The following LIPT1 variants were observed in gnomAD, a reference collection of about 807,000 sequenced individuals.
LIPT1 encodes lipoyltransferase 1, also known as lipoyl amidotransferase LIPT1, mitochondrial.
LIPT1 carries 22 observed loss-of-function variants against 25.1 expected under a neutral mutation model. The ratio of observed to expected loss-of-function variants is 0.88; its 90% CI spans 0.63 to 1.25. The LOEUF (loss-of-function observed/expected upper bound fraction) is 1.25. Among genes scored for constraint, LIPT1 ranks in the 50% most tolerant of loss-of-function variants. LIPT1 has a pLI of 0.00. For synonymous variants in LIPT1, 131 were observed against 150.8 expected (o/e 0.87, Z 0.96); for missense variants, 399 against 432.8 (o/e 0.92, Z 0.69).
intron 1 of LIPT1, among the ~76,000 whole-genome samples, chr2:99,155,994 A>C (rs891257743): frequency 6.6e-6 from 1 of 152,230 alleles, no homozygotes; most frequent in Non-Finnish European, 1.5e-5. Flanking sequence ...TAGATGGTCT[A>C]TAGTTCTCTT....
chr2:99,160,614 C>T (rs148177546), intron 1 of LIPT1, among the ~76,000 whole-genome samples: 1,630 of 152,256 alleles, frequency 0.011, 9 homozygotes, highest in Middle Eastern at 0.027. Context: ...CCTAATATTT[C>T]ATTAGCAATG....
chr2:99,161,088 A>C (rs2105194057), intron 1 of LIPT1, among the ~76,000 whole-genome samples: 1 of 151,060 alleles, frequency 6.6e-6, no homozygotes, highest in South Asian at 2.1e-4. Flanking sequence ...AACATGGTGA[A>C]ACCCCATGCC....
In LIPT1 at chr2:99,160,196, C is replaced by T. The variant is rs372688273; in HGVS notation, c.-1-1761C>T. 5.3e-5 allele frequency among the ~76,000 whole-genome samples: 8 copies of T among 152,230 alleles called. No homozygotes were observed. In the East Asian group the frequency reaches 1.2e-3, roughly 22 times the overall value. Reference sequence around the variant, plus strand: ...CTGAGGCAGGAGGATCACTGAAGCCCAGGAGTTCAAGATCAACCTAGGCAA... The same window carrying T: ...CTGAGGCAGGAGGATCACTGAAGCCTAGGAGTTCAAGATCAACCTAGGCAA... On this transcript the variant is annotated intron_variant, in intron 1 of 1. Coordinates refer to ENST00000651691, the MANE Select transcript of LIPT1 (RefSeq NM_145199.3).
chr2:99,155,337 A>G, intron 1 of LIPT1: 2 of 372,274 alleles, frequency 5.4e-6, no homozygotes, highest in South Asian at 4.0e-5. Flanking sequence ...AGGGCGAAGT[A>G]AAACATGCAC....
chr2:99,162,626 C>T lies in LIPT1; in HGVS notation c.669C>T (p.Thr223=). 1 of 1,614,064 alleles carries T rather than the reference C, an allele frequency of 6.2e-7. No individual in the cohort carries two copies. Among genetic ancestry groups the T allele is most frequent in the Non-Finnish European group, 8.5e-7 (1 of 1,179,950 alleles). ...TTTTGGAAAAGGATCCCACTCTGAC[C>T]TGTGAAGTACTAATGAATGCTGTTG... ...KNLLEKDPTL[T]CEVLMNAVAT... is the part of the protein sequence containing the mutation. Residue 223 remains threonine (T), a synonymous_variant, in exon 2 of 2, where the codon ACC becomes ACT. Transcript: ENST00000651691.
chr2:99,155,369 G>C, intron 1 of LIPT1: 1 of 400,568 alleles, frequency 2.5e-6, no homozygotes, highest in Non-Finnish European at 5.0e-6. Flanking sequence ...GAGATTCTGA[G>C]TAAGTTGTAT....
At chr2:99,161,261 A>T (rs2093784810) in intron 1 of LIPT1, among the ~76,000 whole-genome samples, 1 of 15,240 alleles carries the variant, frequency 6.6e-5, no homozygotes, top group African/African-American at 2.4e-4. Context: ...CAAAAAAAAA[A>T]AAAAAAAAAA....
At chr2:99,155,533 A>G (rs1376914964) in intron 1 of LIPT1, 1 of 455,062 alleles carries the variant, frequency 2.2e-6, no homozygotes, top group Non-Finnish European at 4.4e-6. Flanking sequence ...AAGTGTCCCA[A>G]GAACATGGAA....
chr2:99,155,836 G>C (rs147640084), intron 1 of LIPT1, among the ~76,000 whole-genome samples: 18 of 152,210 alleles, frequency 1.2e-4, no homozygotes, highest in African/African-American at 4.3e-4. Context: ...CTGAGTTAAG[G>C]AAGTGTCTTC....
chr2:99,162,830 G>A lies in LIPT1; in HGVS notation c.873G>A (p.Gln291=), dbSNP rs776085015. 34 of 1,613,792 alleles carry A rather than the reference G, an allele frequency of 2.1e-5. No homozygotes were observed. In the East Asian group the frequency reaches 7.1e-4, roughly 34 times the overall value. ...CTTCCTTTCATGTGTTATATGAACA[G>A]TCACACTTGGAAATTAAAGTATTCA... is the stretch of plus-strand genomic sequence containing the variant. The part of the protein sequence containing the change: ...INTSFHVLYE[Q]SHLEIKVFID... The change falls in exon 2 of 2, where the codon CAG becomes CAA. Residue 291 remains glutamine (Q), a synonymous_variant. Transcript: ENST00000651691.
chr2:99,155,313 C>T, intron 1 of LIPT1: 1 of 371,022 alleles, frequency 2.7e-6, no homozygotes. Flanking sequence ...TGTGCACGCC[C>T]CCTGGGAGCC....
intron 1 of LIPT1, among the ~76,000 whole-genome samples, chr2:99,158,372 CTGCTTGAGCCCAGG>C (rs2093766673): frequency 7.2e-6 from 1 of 139,858 alleles, no homozygotes; most frequent in Admixed American, 7.9e-5. Context: ...GGCAGGAGGA[CTGCTTGAGCCCAGG>C]AGTTTGAGAC....
chr2:99,158,738 T>C (rs1042908977), intron 1 of LIPT1, among the ~76,000 whole-genome samples: 4 of 152,232 alleles, frequency 2.6e-5, no homozygotes, highest in Non-Finnish European at 4.4e-5. Context: ...AATTCTTTTC[T>C]TTATCCCTTT....
intron 1 of LIPT1, 77 bp from the exon 2 acceptor site, chr2:99,161,880 A>AACT: frequency 7.7e-7 from 1 of 1,307,178 alleles, no homozygotes; most frequent in Non-Finnish European, 1.0e-6. Flanking sequence ...TAAATAACCG[A>AACT]TAATTGATAG....
intron 1 of LIPT1, chr2:99,161,348 T>C (rs866093949): frequency 8.9e-6 from 1 of 112,696 alleles, no homozygotes. Context: ...AGATTGAATG[T>C]CGAATGAAAT....
At chr2:99,159,890 T>C (rs946443174) in intron 1 of LIPT1, among the ~76,000 whole-genome samples, 27 of 152,232 alleles carry the variant, frequency 1.8e-4, no homozygotes, top group African/African-American at 5.8e-4. Context: ...TAGATGACTC[T>C]TTGTCTTTGC....
chr2:99,159,445 TAGC>T, intron 1 of LIPT1, among the ~76,000 whole-genome samples: 1 of 152,308 alleles, frequency 6.6e-6, no homozygotes, highest in Middle Eastern at 3.4e-3. Context: ...TCATTATCTC[TAGC>T]ATGGACAACT....
Position 99,155,010 on chromosome 2 carries a change from C to G in LIPT1, c.-43C>G, listed in dbSNP as rs2093734916. On this transcript the variant is annotated 5_prime_UTR_variant, in exon 1 of 2. Coordinates refer to ENST00000651691, the MANE Select transcript of LIPT1 (RefSeq NM_145199.3). ...GGGGTCGTATGACGCACTTTTCCAG[C>G]TCGAGCCCTCACGAGGCCGTGGGTA... The G allele has an allele frequency of 2.2e-6, 1 of 456,028 alleles. No individual in the cohort carries two copies. The highest frequency in any genetic ancestry group is 4.4e-6 in the Non-Finnish European group (1 of 226,784). The allele number at this position is 456,028 out of a possible 1,614,324, so 28.2% of individuals were successfully genotyped here. A position where few individuals can be genotyped will look rare whatever the true frequency, so the allele number is the denominator to read the frequency against.
chr2:99,157,694 T>A (rs1420300579), intron 1 of LIPT1, among the ~76,000 whole-genome samples: 2 of 152,210 alleles, frequency 1.3e-5, no homozygotes, highest in African/African-American at 4.8e-5. Context: ...TGCCTTTTCT[T>A]CTATCCTCAG....
Sources: allele counts gnomAD v4.1 joint callset (sites outside exome capture counted in the v4.1 genomes callset), GRCh38; gene constraint gnomAD v4.1.1; transcripts MANE v1.5; gene names NCBI Gene and HGNC (gene_info 2026-07-23, HGNC 2026-07-21).